APELA: variants seen among roughly 807,000 people sequenced by gnomAD.
The protein encoded by APELA is protein Elabela.
At position 164,896,763 on chromosome 4, in the gene APELA, A is replaced by G. The variant is rs1009024670; in HGVS notation, c.*1349A>G. 1.3e-5 allele frequency: 2 copies of G among 151,966 alleles called. No individual in the cohort carries two copies. Among genetic ancestry groups the G allele is most frequent in the Non-Finnish European group, 2.9e-5 (2 of 68,016 alleles). 9.4% of individuals were successfully genotyped at this position (151,966 alleles called of 1,614,324 possible). ...TTTTCTTACTTTATGTTAATTCCAG[A>G]TAAGAAATTTACAAGTTTATATCTT... is the stretch of plus-strand genomic sequence containing the variant. On this transcript the variant is annotated 3_prime_UTR_variant, in exon 3 of 3. Coordinates refer to ENST00000507152, the MANE Select transcript of APELA (RefSeq NM_001297550.2).
At chr4:164,885,948 C>T (rs572080123) in intron 2 of APELA, among the ~76,000 whole-genome samples, 4 of 152,092 alleles carry the variant, frequency 2.6e-5, no homozygotes, top group Non-Finnish European at 5.9e-5. Flanking sequence ...AAACTCTCTC[C>T]CTCCTTGAGA....
chr4:164,887,645 C>T (rs55847128), intron 2 of APELA, among the ~76,000 whole-genome samples: 9,139 of 151,390 alleles, frequency 0.06, 843 homozygotes, highest in African/African-American at 0.2. Flanking sequence ...GAGTTTCTCT[C>T]TTGTCACCCA....
At chr4:164,893,521 T>G (rs1240295975) in intron 2 of APELA, among the ~76,000 whole-genome samples, 1 of 152,196 alleles carries the variant, frequency 6.6e-6, no homozygotes, top group Admixed American at 6.5e-5. Flanking sequence ...ATAATTGTTC[T>G]ATCTTCCTCA....
At chr4:164,898,207 A>G (rs1731013437), downstream of APELA, among the ~76,000 whole-genome samples, 1 of 150,636 alleles carries the variant, frequency 6.6e-6, no homozygotes, top group East Asian at 2.0e-4. Context: ...TTTTTGTATT[A>G]AAAGTTCTTT....
chr4:164,880,349 C>CTCTATG lies in APELA; in HGVS notation c.*1+1346_*1+1351dup, dbSNP rs1730633439. Among the ~76,000 whole-genome samples, 3 of 152,162 alleles carry CTCTATG rather than the reference C, an allele frequency of 2.0e-5. No individual in the cohort carries two copies. In the South Asian group the frequency reaches 6.2e-4, roughly 32 times the overall value. ...AGGATTGAGACAAAAATGTCAAGTT[C>CTCTATG]TCTATGTCTATATCTGTAACAAATT... On this transcript the variant is annotated intron_variant, in intron 2 of 2. Coordinates refer to ENST00000507152, the MANE Select transcript of APELA (RefSeq NM_001297550.2).
intron 2 of APELA, among the ~76,000 whole-genome samples, chr4:164,879,648 T>G (rs1730622453): frequency 6.6e-6 from 1 of 152,190 alleles, no homozygotes; most frequent in African/African-American, 2.4e-5. Context: ...GTTCCCCATT[T>G]TGCGCAGGCT....
At position 164,895,472 on chromosome 4, in the gene APELA, A is replaced by C. The variant is rs1224636323; in HGVS notation, c.*58A>C. 1 of 152,212 alleles carries C rather than the reference A, an allele frequency of 6.6e-6. No homozygotes were observed. Among genetic ancestry groups the C allele is most frequent in the Non-Finnish European group, 1.5e-5 (1 of 68,046 alleles). The allele number at this position is 152,212 out of a possible 1,614,324, so 9.4% of individuals were successfully genotyped here. ...GAAGAAGAAGAGGAGTGAAGGAAAG[A>C]CACCCAGCCACACAAAAGAACTTCA... On this transcript the variant is annotated 3_prime_UTR_variant, in exon 3 of 3. Transcript: ENST00000507152.
At chr4:164,878,798 A>T (rs991927218) in intron 1 of APELA, 122 bp from the exon 2 acceptor site, 3 of 396,848 alleles carry the variant, frequency 7.6e-6, no homozygotes, top group African/African-American at 2.1e-5. Context: ...TTATAATCAC[A>T]TTTGAACAAA....
intron 2 of APELA, among the ~76,000 whole-genome samples, chr4:164,892,298 G>A (rs1287166923): frequency 6.6e-6 from 1 of 152,050 alleles, no homozygotes; most frequent in Non-Finnish European, 1.5e-5. Context: ...TCTAGCCTGA[G>A]CAATGGAGTG....
intron 2 of APELA, among the ~76,000 whole-genome samples, chr4:164,893,949 G>C (rs1730925420): frequency 6.7e-6 from 1 of 150,050 alleles, no homozygotes; most frequent in Non-Finnish European, 1.5e-5. Flanking sequence ...TCTTGGGTTT[G>C]TATTTTGGTC....
chr4:164,887,926 T>C (rs1273814314), intron 2 of APELA, among the ~76,000 whole-genome samples: 1 of 152,166 alleles, frequency 6.6e-6, no homozygotes, highest in Non-Finnish European at 1.5e-5. Flanking sequence ...CTTTCTAAAT[T>C]AATTGACAAA....
At chr4:164,893,963 G>GA (rs369944019) in intron 2 of APELA, among the ~76,000 whole-genome samples, 12 of 145,698 alleles carry the variant, frequency 8.2e-5, no homozygotes, top group South Asian at 4.3e-4. Flanking sequence ...TTTGGTCACC[G>GA]AAAAAAAAAA....
chr4:164,893,544 A>G lies in APELA; in HGVS notation c.*2-1872A>G, dbSNP rs112410975. Among the ~76,000 whole-genome samples, 533 of 152,226 alleles carry G rather than the reference A, an allele frequency of 3.5e-3. 2 individuals carry two copies. The highest frequency in any genetic ancestry group is 6.0e-3 in the Non-Finnish European group (408 of 68,002). ...TCTATCTTCCTCAGTTGACCCTTTT[A>G]GCATTATAAATGTCATTCTTTGTCT... is the stretch of plus-strand genomic sequence containing the variant. On this transcript the variant is annotated intron_variant, in intron 2 of 2. Coordinates refer to ENST00000507152, the MANE Select transcript of APELA (RefSeq NM_001297550.2).
At chr4:164,884,151 G>GA (rs759179945) in intron 2 of APELA, among the ~76,000 whole-genome samples, 15 of 147,496 alleles carry the variant, frequency 1.0e-4, no homozygotes, top group Non-Finnish European at 1.9e-4. Context: ...AAGAAAGAAA[G>GA]AAAGAAAGGA....
chr4:164,898,244 G>C (rs1476827948), downstream of APELA, among the ~76,000 whole-genome samples: 1 of 151,072 alleles, frequency 6.6e-6, no homozygotes, highest in East Asian at 2.0e-4. Context: ...GCTCACACCT[G>C]TAATCCCAGC....
In APELA at chr4:164,878,952, C is replaced by T. The variant is rs1405710220; in HGVS notation, c.109C>T (p.His37Tyr). Residue 37 changes from histidine (H) to tyrosine (Y), a missense_variant, in exon 2 of 3, where the codon CAC (histidine) becomes TAC (tyrosine). Physicochemically the swap from His to Tyr is moderately conservative, Grantham distance 83 (BLOSUM62 2). Transcript: ENST00000507152. ...GACCATGAGAAGAAAACTGCGCAAACACAATTGCCTTCAGAGGAGATGTAT... is the reference window on the plus strand; with the variant it reads ...GACCATGAGAAGAAAACTGCGCAAATACAATTGCCTTCAGAGGAGATGTAT... ...NLTMRRKLRK[H>Y]NCLQRRCMPL... The T allele has an allele frequency of 2.5e-6, 1 of 398,852 alleles. No individual in the cohort carries two copies. The allele number at this position is 398,852 out of a possible 1,614,324, so 24.7% of individuals were successfully genotyped here.
intron 2 of APELA, among the ~76,000 whole-genome samples, chr4:164,890,212 G>A (rs1403039543): frequency 2.0e-5 from 3 of 152,130 alleles, no homozygotes; most frequent in Non-Finnish European, 4.4e-5. Flanking sequence ...CCTAGAAGTG[G>A]AATTATGAGG....
At chr4:164,880,191 A>T (rs150596576) in intron 2 of APELA, among the ~76,000 whole-genome samples, 38 of 152,338 alleles carry the variant, frequency 2.5e-4, no homozygotes, top group African/African-American at 8.4e-4. Context: ...AGTAGCTTTT[A>T]CGGTTCCATT....
At chr4:164,894,851 G>T (rs1730943842) in intron 2 of APELA, among the ~76,000 whole-genome samples, 1 of 152,120 alleles carries the variant, frequency 6.6e-6, no homozygotes, top group African/African-American at 2.4e-5. Context: ...TTCAAATTTA[G>T]GCAATCCGAG....
Sources: gnomAD v4.1 joint callset for allele counts (sites outside exome capture counted in the v4.1 genomes callset) on GRCh38, gnomAD v4.1.1 for gene constraint, MANE v1.5 for transcripts, NCBI Gene and HGNC (gene_info 2026-07-23, HGNC 2026-07-21) for gene names.